Variants in STK38 observed in about 807,000 individuals in gnomAD.
STK38 encodes serine/threonine-protein kinase 38.
Under a neutral mutation model 59.0 loss-of-function variants are expected in STK38, and 26 were observed. That is an observed-to-expected ratio of 0.44 (90% CI 0.32 to 0.61). The LOEUF (loss-of-function observed/expected upper bound fraction) is 0.61. Among genes scored for constraint, STK38 ranks in the 20% least tolerant of loss-of-function variants. STK38 has a pLI of 0.04. For missense variants in STK38, 433 were observed against 566.0 expected (o/e 0.76, Z 2.38); for synonymous variants, 175 against 176.6 (o/e 0.99, Z 0.07).
intron 8 of STK38, among the ~76,000 whole-genome samples, chr6:36,506,957 G>A (rs962229068): frequency 3.3e-5 from 5 of 152,174 alleles, no homozygotes; most frequent in African/African-American, 7.2e-5. Flanking sequence ...AGGTCCTAAC[G>A]TGGACCTAAA....
chr6:36,527,316 A>G, intron 2 of STK38, among the ~76,000 whole-genome samples: 1 of 85,748 alleles, frequency 1.2e-5, no homozygotes, highest in Non-Finnish European at 2.3e-5. Flanking sequence ...ACGTATATAT[A>G]CACACATATA....
intron 3 of STK38, among the ~76,000 whole-genome samples, chr6:36,525,364 T>C (rs1777485900): frequency 6.6e-6 from 1 of 152,246 alleles, no homozygotes; most frequent in African/African-American, 2.4e-5. Flanking sequence ...CTTGGAATTC[T>C]AAATCTAGTT....
At chr6:36,528,577 G>A (rs1777593060) in intron 2 of STK38, among the ~76,000 whole-genome samples, 2 of 152,340 alleles carry the variant, frequency 1.3e-5, no homozygotes, top group South Asian at 2.1e-4. Flanking sequence ...TGGGATACAT[G>A]TGCATCTATG....
At chr6:36,519,072 A>G (rs1030609030) in intron 5 of STK38, among the ~76,000 whole-genome samples, 2 of 152,180 alleles carry the variant, frequency 1.3e-5, no homozygotes, top group African/African-American at 4.8e-5. Flanking sequence ...TCAGGCTTCT[A>G]TGCTAACTCT....
chr6:36,513,114 G>A (rs1006867330), intron 7 of STK38, among the ~76,000 whole-genome samples: 3 of 151,982 alleles, frequency 2.0e-5, no homozygotes, highest in Non-Finnish European at 4.4e-5. Context: ...CCGCCTCCTG[G>A]GTTCAAGTGA....
At chr6:36,498,582 C>CTTTTTTTTTTTTTTTTTTT in intron 10 of STK38, 96 bp from the exon 11 acceptor site, 1 of 1,038,976 alleles carries the variant, frequency 9.6e-7, no homozygotes, top group South Asian at 1.8e-5. Context: ...CTTTTTTTTT[C>CTTTTTTTTTTTTTTTTTTT]TTTTTTCTTT....
At chr6:36,540,719 C>G (rs1447614339) in intron 1 of STK38, among the ~76,000 whole-genome samples, 1 of 151,968 alleles carries the variant, frequency 6.6e-6, no homozygotes, top group Non-Finnish European at 1.5e-5. Context: ...CTCCACCTTC[C>G]AGGTTCAATC....
chr6:36,517,729 A>G lies in STK38; in HGVS notation c.502T>C (p.Phe168Leu). Reference sequence around the variant, plus strand: ...GTCAAGTAATTACCTCCAGGCAGGAACTCCATGATTAGGTAGAGGTTTAGC... The same window carrying G: ...GTCAAGTAATTACCTCCAGGCAGGAGCTCCATGATTAGGTAGAGGTTTAGC... The part of the protein sequence containing the change: ...DKLNLYLIME[F>L]LPGGDMMTLL... The change falls in exon 6 of 14, where the codon TTC becomes CTC. Residue 168 changes from phenylalanine to leucine, a missense_variant. Physicochemically the swap from Phe to Leu is conservative, Grantham distance 22. Coordinates refer to ENST00000229812, the MANE Select transcript of STK38 (RefSeq NM_007271.4). 6.2e-7 allele frequency: 1 copy of G among 1,613,344 alleles called. No individual in the cohort carries two copies. Among genetic ancestry groups the G allele is most frequent in the Non-Finnish European group, 8.5e-7 (1 of 1,179,622 alleles).
Position 36,495,496 on chromosome 6 carries a change from T to C in STK38, c.*288A>G, listed in dbSNP as rs1582396335. The C allele has an allele frequency of 3.3e-6, 1 of 303,224 alleles. No individual in the cohort carries two copies. The highest frequency in any genetic ancestry group is 7.6e-5 in the East Asian group (1 of 13,186). 18.8% of individuals were successfully genotyped at this position (303,224 alleles called of 1,614,324 possible). A position where few individuals can be genotyped will look rare whatever the true frequency, so the allele number is the denominator to read the frequency against. ...TTTTTCCCCTTCATTCTGATGAACT[T>C]AGGAAAACTCAAGTTATTTTTAAAA... On this transcript the variant is annotated 3_prime_UTR_variant, in exon 14 of 14. Coordinates refer to ENST00000229812, the MANE Select transcript of STK38 (RefSeq NM_007271.4).
chr6:36,542,939 C>T (rs955750846), intron 1 of STK38, among the ~76,000 whole-genome samples: 3 of 151,720 alleles, frequency 2.0e-5, no homozygotes, highest in African/African-American at 7.3e-5. Flanking sequence ...AGCAAGATTC[C>T]GTCTCAAAAA....
chr6:36,506,629 T>C lies in STK38; in HGVS notation c.788A>G (p.Asn263Ser), dbSNP rs1484178204. Residue 263 changes from asparagine (N) to serine (S), a missense_variant, in exon 9 of 14, where the codon AAT becomes AGT. Asn to Ser is a conservative substitution (Grantham distance 46). Transcript: ENST00000229812. The stretch of plus-strand genomic sequence containing the variant: ...CCAGGTTTCTGCTTTCCTTTTGGAA[T>C]TCATGTTCTGGAAAGCTGAAAGTAA... ...LPSDFTFQNM[N>S]SKRKAETWKR... 1.2e-6 allele frequency: 2 copies of C among 1,613,328 alleles called. No individual in the cohort carries two copies. Among genetic ancestry groups the C allele is most frequent in the African/African-American group, 1.3e-5 (1 of 74,922 alleles).
At chr6:36,525,457 G>T in intron 3 of STK38, 134 bp downstream of exon 3, 1 of 680,176 alleles carries the variant, frequency 1.5e-6, no homozygotes, top group South Asian at 2.0e-5. Flanking sequence ...CCCAAATCCG[G>T]AAGCACACTA....
intron 2 of STK38, among the ~76,000 whole-genome samples, chr6:36,535,874 CAAAA>C (rs35930267): frequency 2.7e-5 from 2 of 75,434 alleles, no homozygotes; most frequent in Admixed American, 1.3e-4. Flanking sequence ...GACTCCGTCT[CAAAA>C]AAAAAAAAAA....
rs2076668752 is a variant in STK38, at chr6:36,515,579, TC to T, written c.515-88del. The T allele has an allele frequency of 5.1e-6, 8 of 1,580,302 alleles. No homozygotes were observed. The East Asian group carries it at 1.8e-4, about 36-fold the overall frequency. ...ACAACATACGAGTGAGTACCAATTT[TC>T]AGATATGTCTTCCCTATCTGCCAAA... is the stretch of plus-strand genomic sequence containing the variant. On this transcript the variant is annotated intron_variant, in intron 6 of 13. Coordinates refer to ENST00000229812, the MANE Select transcript of STK38 (RefSeq NM_007271.4).
chr6:36,496,853 G>A (rs1212530548), intron 12 of STK38, 48 bp from the exon 13 acceptor site: 1 of 1,361,224 alleles, frequency 7.3e-7, no homozygotes, highest in Admixed American at 1.8e-5. Context: ...TAATCAAATG[G>A]ATCATACCAA....
At chr6:36,533,450 T>C in intron 2 of STK38, among the ~76,000 whole-genome samples, 1 of 152,256 alleles carries the variant, frequency 6.6e-6, no homozygotes, top group East Asian at 1.9e-4. Context: ...ACCAATGCTG[T>C]ATTTTTAAAA....
rs1776713210 is a variant in STK38, at chr6:36,496,736, T to C, written c.1242A>G (p.Pro414=). 1 of 1,613,528 alleles carries C rather than the reference T, an allele frequency of 6.2e-7. No homozygotes were observed. Among genetic ancestry groups the C allele is most frequent in the African/African-American group, 1.3e-5 (1 of 74,922 alleles). The stretch of plus-strand genomic sequence containing the variant: ...CTGTTGGCTTAAGAATATCAGATTC[T>C]GGAAACTCATCGAAGTTTGAGGTAT... The part of the protein sequence containing the change: ...IDDTSNFDEF[P]ESDILKPTVA... Residue 414 remains proline (P), a synonymous_variant, in exon 13 of 14, where the codon CCA becomes CCG. Coordinates refer to ENST00000229812, the MANE Select transcript of STK38 (RefSeq NM_007271.4).
In STK38 at chr6:36,521,776, T is replaced by C; in HGVS notation, c.348A>G (p.Ala116=). 1 of 1,611,958 alleles carries C rather than the reference T, an allele frequency of 6.2e-7. No homozygotes were observed. The highest frequency in any genetic ancestry group is 8.5e-7 in the Non-Finnish European group (1 of 1,179,614). ...TATCTGCTTTACGGAGTATTTTCAT[T>C]GCATACACATGTCCCGTATCTTTCT... is the stretch of plus-strand genomic sequence containing the variant. ...VQKKDTGHVY[A]MKILRKADML... is the part of the protein sequence containing the mutation. The change falls in exon 5 of 14, where the codon GCA becomes GCG. Residue 116 remains alanine (A), a synonymous_variant. Coordinates refer to ENST00000229812, the MANE Select transcript of STK38 (RefSeq NM_007271.4).
At chr6:36,546,521 T>TC (rs1778055857) in intron 1 of STK38, among the ~76,000 whole-genome samples, 1 of 152,204 alleles carries the variant, frequency 6.6e-6, no homozygotes, top group Admixed American at 6.5e-5. Flanking sequence ...AGAACAAGTT[T>TC]CTCTCCGAGT....
Sources: gnomAD v4.1 joint callset for allele counts (sites outside exome capture counted in the v4.1 genomes callset) on GRCh38, gnomAD v4.1.1 for gene constraint, MANE v1.5 for transcripts, NCBI Gene and HGNC (gene_info 2026-07-23, HGNC 2026-07-21) for gene names.